The following CLEC4A variants were observed in gnomAD, a reference collection of about 807,000 sequenced individuals.
The protein encoded by CLEC4A is C-type (calcium dependent, carbohydrate-recognition domain) lectin, superfamily member 6.
Under a neutral mutation model 32.7 loss-of-function variants are expected in CLEC4A, and 27 were observed. The observed-to-expected ratio is 0.83, with a 90% CI of 0.61 to 1.14. The LOEUF (loss-of-function observed/expected upper bound fraction) is 1.14, where lower values mean the gene tolerates loss of function less well. Among genes scored for constraint, CLEC4A ranks in the 50% most tolerant of loss-of-function variants. CLEC4A has a pLI of 0.00. For synonymous variants in CLEC4A, 89 were observed against 93.7 expected, an observed-to-expected ratio of 0.95 and a Z score of 0.29; for missense variants, 253 against 274.6, an observed-to-expected ratio of 0.92 and a Z score of 0.55.
chr12:8,111,422 C>CA, the CLEC4A span, among the ~76,000 whole-genome samples: 1 of 151,982 alleles, frequency 6.6e-6, no homozygotes, highest in Non-Finnish European at 1.5e-5. Context: ...TCAGATGGTC[C>CA]ACCTGCCTCA....
At chr12:8,135,047 CT>C (rs1187858911) in intron 3 of CLEC4A, among the ~76,000 whole-genome samples, 22 of 9,026 alleles carry the variant, frequency 2.4e-3, no homozygotes, top group South Asian at 0.013. Flanking sequence ...ATTTTATTAT[CT>C]TTTTTTTTTT....
intron 4 of CLEC4A, among the ~76,000 whole-genome samples, chr12:8,136,450 AGCTACTGGGGAG>A (rs1160262295): frequency 3.3e-5 from 5 of 152,000 alleles, no homozygotes; most frequent in Middle Eastern, 6.8e-3. Context: ...CTGTAGTCCC[AGCTACTGGGGAG>A]GCTGAGGCAT....
At chr12:8,104,110 C>T in the CLEC4A span, among the ~76,000 whole-genome samples, 3 of 151,770 alleles carry the variant, frequency 2.0e-5, no homozygotes, top group Non-Finnish European at 2.9e-5. Flanking sequence ...TTGGGTTGCT[C>T]CTGGCTACAT....
At chr12:8,125,792 CT>C in intron 2 of CLEC4A, 115 bp downstream of exon 2, 1 of 674,968 alleles carries the variant, frequency 1.5e-6, no homozygotes, top group Non-Finnish European at 2.6e-6. Context: ...GAAATTTTCT[CT>C]GGGGAGACAT....
chr12:8,138,255 T>A lies in CLEC4A; in HGVS notation c.682T>A (p.Ser228Thr). The change falls in exon 6 of 6, where the codon TCA (serine) becomes ACA (threonine). Residue 228 changes from serine to threonine, a missense_variant. Transcript: ENST00000229332. Reference sequence around the variant, plus strand: ...TGTTAATTGTCTTGGTCCTCAAAGGTCAGTTTGTGAGATGATGAAGATCCA... The same window carrying A: ...TGTTAATTGTCTTGGTCCTCAAAGGACAGTTTGTGAGATGATGAAGATCCA... ...NDVNCLGPQR[S>T]VCEMMKIHL The A allele has an allele frequency of 6.2e-7, 1 of 1,614,066 alleles. No individual in the cohort carries two copies. The highest frequency in any genetic ancestry group is 8.5e-7 in the Non-Finnish European group (1 of 1,179,990).
chr12:8,105,421 C>T, the CLEC4A span, among the ~76,000 whole-genome samples: 1 of 151,580 alleles, frequency 6.6e-6, no homozygotes, highest in Non-Finnish European at 1.5e-5. Flanking sequence ...ACGATCTCGG[C>T]TCACTGCAAC....
the CLEC4A span, among the ~76,000 whole-genome samples, chr12:8,106,656 G>T: frequency 6.6e-6 from 1 of 151,930 alleles, no homozygotes; most frequent in East Asian, 1.9e-4. Context: ...TATTTTTTGT[G>T]GCATTTTGAA....
At chr12:8,117,661 C>T in the CLEC4A span, among the ~76,000 whole-genome samples, 145 of 152,236 alleles carry the variant, frequency 9.5e-4, 2 homozygotes, top group Middle Eastern at 0.027. Context: ...TAATACTAGT[C>T]GTGCTTTCTC....
chr12:8,128,479 C>T (rs1947938193), intron 2 of CLEC4A, among the ~76,000 whole-genome samples: 2 of 150,608 alleles, frequency 1.3e-5, no homozygotes, highest in African/African-American at 4.9e-5. Context: ...GGCGCAATCT[C>T]AGCTCACCGC....
At chr12:8,112,611 AAGTTTT>A in the CLEC4A span, among the ~76,000 whole-genome samples, 7 of 151,276 alleles carry the variant, frequency 4.6e-5, no homozygotes, top group Non-Finnish European at 8.8e-5. Flanking sequence ...TCATGTGTTT[AAGTTTT>A]AGTTGTGAGT....
chr12:8,132,915 T>TTTTTG (rs1948024628), intron 3 of CLEC4A, among the ~76,000 whole-genome samples: 2 of 151,706 alleles, frequency 1.3e-5, no homozygotes, highest in Non-Finnish European at 2.9e-5. Context: ...TTTTTGTTTT[T>TTTTTG]TTTTTGTTTT....
chr12:8,108,056 A>C, the CLEC4A span, among the ~76,000 whole-genome samples: 1 of 152,108 alleles, frequency 6.6e-6, no homozygotes, highest in African/African-American at 2.4e-5. Context: ...CAACTGCTTT[A>C]GCTGTGTCCC....
At chr12:8,136,055 G>C (rs1367753863) in intron 4 of CLEC4A, among the ~76,000 whole-genome samples, 1 of 152,186 alleles carries the variant, frequency 6.6e-6, no homozygotes, top group Non-Finnish European at 1.5e-5. Context: ...TAACAAAGAA[G>C]AGGTATTAAG....
chr12:8,116,292 G>A, the CLEC4A span, among the ~76,000 whole-genome samples: 2 of 152,006 alleles, frequency 1.3e-5, no homozygotes, highest in Admixed American at 1.3e-4. Flanking sequence ...TGTAGAAGTG[G>A]GGTTTCACTA....
At chr12:8,117,926 T>G in the CLEC4A span, among the ~76,000 whole-genome samples, 1 of 152,130 alleles carries the variant, frequency 6.6e-6, no homozygotes, top group Non-Finnish European at 1.5e-5. Context: ...GATTTACAGG[T>G]TTATTTTGCC....
chr12:8,138,086 C>T, intron 5 of CLEC4A, 54 bp from the exon 6 acceptor site: 1 of 1,574,958 alleles, frequency 6.3e-7, no homozygotes, highest in Non-Finnish European at 8.6e-7. Context: ...CTGTCTCTAA[C>T]CCTTTTCAAA....
At chr12:8,106,259 G>A in the CLEC4A span, among the ~76,000 whole-genome samples, 4 of 152,110 alleles carry the variant, frequency 2.6e-5, no homozygotes, top group African/African-American at 9.7e-5. Flanking sequence ...GTCTGTTTTT[G>A]TACCAGTACC....
Position 8,123,958 on chromosome 12 carries a change from C to A in CLEC4A, c.80C>A (p.Ala27Glu). 1 of 1,597,570 alleles carries A rather than the reference C, an allele frequency of 6.3e-7. No homozygotes were observed. The highest frequency in any genetic ancestry group is 8.6e-7 in the Non-Finnish European group (1 of 1,164,972). ...KSSGINTASS[A>E]ASKERTAPHK... ...TCAGGCATCAACACAGCCTCTTCTG[C>A]AGGTAAAGATCATTTTCTAGGGGTC... The change falls in exon 1 of 6, where the codon GCA (alanine) becomes GAA (glutamate). Residue 27 changes from alanine to glutamate, a missense_variant and splice_region_variant. By Grantham distance (107) the Ala-to-Glu change is moderately radical. Coordinates refer to ENST00000229332, the MANE Select transcript of CLEC4A (RefSeq NM_016184.4).
chr12:8,116,201 A>T, the CLEC4A span, among the ~76,000 whole-genome samples: 1 of 152,028 alleles, frequency 6.6e-6, no homozygotes, highest in African/African-American at 2.4e-5. Flanking sequence ...ACCTCAAATG[A>T]CCCACCTGTC....
Sources: gnomAD v4.1 joint callset for allele counts (sites outside exome capture counted in the v4.1 genomes callset) on GRCh38, gnomAD v4.1.1 for gene constraint, MANE v1.5 for transcripts, NCBI Gene and HGNC (gene_info 2026-07-23, HGNC 2026-07-21) for gene names.